Variants in COL24A1 observed in about 807,000 individuals in gnomAD.
COL24A1 encodes collagen type XXIV alpha 1 chain, also known as collagen alpha-1(XXIV) chain.
COL24A1 carries 224 observed loss-of-function variants against 253.9 expected under a neutral mutation model. That is an observed-to-expected ratio of 0.88 (90% CI 0.79 to 0.99). The LOEUF (loss-of-function observed/expected upper bound fraction) is 0.99. Ranked by LOEUF, COL24A1 falls within the 50% of genes least tolerant of loss-of-function variation. The pLI is 0.00. For missense variants in COL24A1, 2,131 were observed against 2,068.5 expected, an observed-to-expected ratio of 1.03 and a Z score of -0.59; for synonymous variants, 685 against 673.7, an observed-to-expected ratio of 1.02 and a Z score of -0.26.
intron 31 of COL24A1, among the ~76,000 whole-genome samples, chr1:85,890,276 A>G (rs1248330128): frequency 6.6e-6 from 1 of 152,172 alleles, no homozygotes; most frequent in African/African-American, 2.4e-5. Flanking sequence ...TGGAACTGAT[A>G]GATCATATGG....
intron 53 of COL24A1, among the ~76,000 whole-genome samples, chr1:85,764,676 A>T (rs142067414): frequency 6.6e-6 from 1 of 152,318 alleles, no homozygotes; most frequent in African/African-American, 2.4e-5. Context: ...AGATATCTAA[A>T]TTGTAATATA....
At chr1:86,094,938 A>G (rs2101995937) in intron 5 of COL24A1, among the ~76,000 whole-genome samples, 1 of 152,148 alleles carries the variant, frequency 6.6e-6, no homozygotes, top group Middle Eastern at 3.4e-3. Flanking sequence ...TTGGCAAACA[A>G]TGTCCATTTT....
At chr1:86,043,187 T>G (rs192739992) in intron 12 of COL24A1, among the ~76,000 whole-genome samples, 18 of 152,296 alleles carry the variant, frequency 1.2e-4, no homozygotes, top group Middle Eastern at 6.8e-3. Flanking sequence ...TATTGTTCTA[T>G]AAATTATATG....
chr1:85,885,397 A>ATATATATATTTTTTTTT (rs60994639), intron 32 of COL24A1, among the ~76,000 whole-genome samples: 1 of 128,902 alleles, frequency 7.8e-6, no homozygotes, highest in Non-Finnish European at 1.6e-5. Context: ...ATATATATAT[A>ATATATATATTTTTTTTT]TTTTTTTTTT....
chr1:86,083,230 G>A (rs866872684), intron 7 of COL24A1, among the ~76,000 whole-genome samples: 2 of 151,966 alleles, frequency 1.3e-5, no homozygotes, highest in Middle Eastern at 3.4e-3. Flanking sequence ...CTCAGAAGGC[G>A]GAGCTTGCAG....
intron 3 of COL24A1, among the ~76,000 whole-genome samples, chr1:86,120,818 T>C: frequency 6.6e-6 from 1 of 152,192 alleles, no homozygotes; most frequent in Non-Finnish European, 1.5e-5. Flanking sequence ...TTATAAATCA[T>C]GCTGCTATAA....
chr1:85,873,186 C>A (rs1680733840), intron 35 of COL24A1, among the ~76,000 whole-genome samples: 2 of 152,164 alleles, frequency 1.3e-5, no homozygotes, highest in Admixed American at 6.5e-5. Context: ...CAGGAAACAA[C>A]AAATGCTGGA....
At chr1:86,034,425 T>C (rs1698841718) in intron 12 of COL24A1, among the ~76,000 whole-genome samples, 2 of 152,090 alleles carry the variant, frequency 1.3e-5, no homozygotes, top group Non-Finnish European at 2.9e-5. Context: ...TATTCTCACA[T>C]TGTTGTTGAG....
intron 37 of COL24A1, among the ~76,000 whole-genome samples, chr1:85,856,519 T>A (rs1183922546): frequency 6.6e-6 from 1 of 152,210 alleles, no homozygotes; most frequent in Non-Finnish European, 1.5e-5. Flanking sequence ...ATTTGTATTC[T>A]AATGATTCCC....
chr1:86,143,659 A>G lies in COL24A1; in HGVS notation c.121+2460T>C, dbSNP rs535899596. Among the ~76,000 whole-genome samples, 388 of 152,226 alleles carry G rather than the reference A, an allele frequency of 2.5e-3. 2 individuals are homozygous for G. Among genetic ancestry groups the G allele is most frequent in the African/African-American group, 8.8e-3 (364 of 41,558 alleles). On this transcript the variant is annotated intron_variant, in intron 2 of 59. Coordinates refer to ENST00000370571, the MANE Select transcript of COL24A1 (RefSeq NM_152890.7). Reference sequence around the variant, plus strand: ...ATTTAAACATATTATAGTATTAAATATAGATGTTAAAACCAAAAGAAGGTG... The same window carrying G: ...ATTTAAACATATTATAGTATTAAATGTAGATGTTAAAACCAAAAGAAGGTG...
intron 53 of COL24A1, among the ~76,000 whole-genome samples, chr1:85,772,565 A>C (rs1668097852): frequency 6.6e-6 from 1 of 151,948 alleles, no homozygotes; most frequent in South Asian, 2.1e-4. Flanking sequence ...CGCCATTCTA[A>C]CTGGTGTGAG....
intron 32 of COL24A1, among the ~76,000 whole-genome samples, chr1:85,884,360 T>C (rs1258668563): frequency 6.6e-6 from 1 of 152,170 alleles, no homozygotes; most frequent in Non-Finnish European, 1.5e-5. Flanking sequence ...CTGGTTGTTG[T>C]AGCTATGGTG....
At chr1:85,738,028 G>A (rs1664238236) in intron 57 of COL24A1, among the ~76,000 whole-genome samples, 2 of 151,896 alleles carry the variant, frequency 1.3e-5, no homozygotes, top group South Asian at 4.1e-4. Flanking sequence ...CAATTTCAGA[G>A]TGTTTCATAA....
intron 20 of COL24A1, among the ~76,000 whole-genome samples, chr1:85,987,085 C>A (rs546384578): frequency 1.3e-5 from 2 of 151,694 alleles, no homozygotes; most frequent in Non-Finnish European, 3.0e-5. Context: ...AAAAGCATTG[C>A]CGAAATAATA....
At chr1:85,823,791 G>A in intron 43 of COL24A1, 53 bp from the exon 44 acceptor site, 2 of 1,507,354 alleles carry the variant, frequency 1.3e-6, no homozygotes, top group East Asian at 2.3e-5. Flanking sequence ...TGTGACTTAA[G>A]AGAATAGGAT....
intron 7 of COL24A1, among the ~76,000 whole-genome samples, chr1:86,085,339 C>T (rs1702985170): frequency 6.6e-6 from 1 of 152,106 alleles, no homozygotes; most frequent in Non-Finnish European, 1.5e-5. Flanking sequence ...AAAATTCACA[C>T]TGATTTATAA....
At chr1:85,825,568 C>A (rs1347402219) in intron 43 of COL24A1, among the ~76,000 whole-genome samples, 2 of 151,580 alleles carry the variant, frequency 1.3e-5, no homozygotes, top group Non-Finnish European at 1.5e-5. Flanking sequence ...TATTTCTCCA[C>A]ATCCTCTCCA....
chr1:86,141,499 A>G (rs563184088), intron 2 of COL24A1, among the ~76,000 whole-genome samples: 1 of 152,318 alleles, frequency 6.6e-6, no homozygotes, highest in African/African-American at 2.4e-5. Flanking sequence ...GAACCTCTTT[A>G]TATCACTGAA....
At chr1:86,057,098 G>C (rs950575681) in intron 10 of COL24A1, among the ~76,000 whole-genome samples, 2 of 152,076 alleles carry the variant, frequency 1.3e-5, no homozygotes, top group African/African-American at 2.4e-5. Context: ...TGACTGGATT[G>C]GGGGGCGGAT....
Sources: gnomAD v4.1 joint callset for allele counts (sites outside exome capture counted in the v4.1 genomes callset) on GRCh38, gnomAD v4.1.1 for gene constraint, MANE v1.5 for transcripts, NCBI Gene and HGNC (gene_info 2026-07-23, HGNC 2026-07-21) for gene names.